ABCC1: variants seen among roughly 807,000 people sequenced by gnomAD.
The protein encoded by ABCC1 is ATP binding cassette subfamily C member 1 (ABCC1 blood group).
ABCC1 carries 83 observed loss-of-function variants against 172.9 expected under a neutral mutation model. The observed-to-expected ratio is 0.48, with a 90% CI of 0.40 to 0.58. The LOEUF (loss-of-function observed/expected upper bound fraction) is 0.58. Among genes scored for constraint, ABCC1 ranks in the 20% least tolerant of loss-of-function variants. The probability of loss-of-function intolerance (pLI) is 0.00; values close to 1 mark genes in which losing one functional copy is unlikely to be tolerated. For synonymous variants in ABCC1, 937 were observed against 825.2 expected (o/e 1.14, Z -2.32); for missense variants, 1,817 against 2,002.7 (o/e 0.91, Z 1.77).
At chr16:16,055,480 G>A (rs765874592) in intron 11 of ABCC1, among the ~76,000 whole-genome samples, 32 of 151,564 alleles carry the variant, frequency 2.1e-4, no homozygotes, top group Non-Finnish European at 4.1e-4. Flanking sequence ...AACCCGGGAG[G>A]CAGAGGTTGC....
intron 1 of ABCC1, among the ~76,000 whole-genome samples, chr16:15,981,618 C>T (rs999526975): frequency 1.3e-5 from 2 of 152,116 alleles, no homozygotes; most frequent in Non-Finnish European, 2.9e-5. Flanking sequence ...AGCAGGGGGG[C>T]CCTGGGCCCG....
At chr16:16,044,112 T>C (rs1482113221) in intron 7 of ABCC1, among the ~76,000 whole-genome samples, 1 of 152,226 alleles carries the variant, frequency 6.6e-6, no homozygotes, top group Non-Finnish European at 1.5e-5. Context: ...TTTCTAAGTC[T>C]TTAACTTATT....
chr16:15,952,117 T>C (rs1294975181), intron 1 of ABCC1, among the ~76,000 whole-genome samples: 1 of 152,210 alleles, frequency 6.6e-6, no homozygotes, highest in Non-Finnish European at 1.5e-5. Context: ...ATCTCTAAAA[T>C]TGGACAGGAG....
chr16:16,131,656 G>T, intron 26 of ABCC1, 133 bp from the exon 27 acceptor site: 1 of 948,582 alleles, frequency 1.1e-6, no homozygotes, highest in Non-Finnish European at 1.5e-6. Context: ...ATTCCAGGAA[G>T]GGCAACCCCC....
intron 1 of ABCC1, among the ~76,000 whole-genome samples, chr16:15,959,170 C>T (rs530773746): frequency 2.6e-5 from 4 of 152,216 alleles, no homozygotes; most frequent in South Asian, 2.1e-4. Flanking sequence ...CTTAATGAGA[C>T]GTTAAGGAGG....
intron 1 of ABCC1, among the ~76,000 whole-genome samples, chr16:15,953,705 G>A (rs186706178): frequency 5.1e-4 from 78 of 152,260 alleles, no homozygotes; most frequent in African/African-American, 1.7e-3. Context: ...TGTCACCGTC[G>A]ATGGAGTGAG....
In ABCC1 at chr16:16,111,135, T is replaced by TTGA. The variant is rs1461298954; in HGVS notation, c.2872-238_2872-236dup. On this transcript the variant is annotated intron_variant, in intron 21 of 30. Coordinates refer to ENST00000399410, the MANE Select transcript of ABCC1 (RefSeq NM_004996.4). ...GCTGGTCTCGAAGTCTCTACCTCAG[T>TTGA]TGATCTGCCCGCCTCAGCCTCCCAA... 5.3e-5 allele frequency among the ~76,000 whole-genome samples: 8 copies of TTGA among 152,264 alleles called. No homozygotes were observed. The East Asian group carries it at 1.5e-3, about 29-fold the overall frequency.
chr16:16,036,657 C>T, intron 7 of ABCC1, 54 bp downstream of exon 7: 5 of 1,588,518 alleles, frequency 3.1e-6, no homozygotes, highest in Non-Finnish European at 3.4e-6. Context: ...CCTTTCCACT[C>T]CTGTGGCCTC....
chr16:16,134,968 G>A (rs2045863437), intron 28 of ABCC1, among the ~76,000 whole-genome samples: 1 of 152,110 alleles, frequency 6.6e-6, no homozygotes, highest in Non-Finnish European at 1.5e-5. Context: ...AAGTTAGGCT[G>A]TGCTGCTGCT....
At chr16:16,075,508 G>C (rs1567375997) in intron 14 of ABCC1, among the ~76,000 whole-genome samples, 1 of 152,158 alleles carries the variant, frequency 6.6e-6, no homozygotes, top group Admixed American at 6.5e-5. Flanking sequence ...TGCACATCCT[G>C]TAGTCCCAGT....
intron 25 of ABCC1, 106 bp from the exon 26 acceptor site, chr16:16,125,704 T>C: frequency 1.3e-6 from 1 of 750,458 alleles, no homozygotes; most frequent in South Asian, 1.9e-5. Context: ...TAATTCATAC[T>C]TGTTGAAAAT....
chr16:16,079,445 G>A lies in ABCC1; in HGVS notation c.2082G>A (p.Glu694=). 6.2e-7 allele frequency: 1 copy of A among 1,613,876 alleles called. No individual in the cohort carries two copies. Among genetic ancestry groups the A allele is most frequent in the Non-Finnish European group, 8.5e-7 (1 of 1,179,780 alleles). ...KSSLLSALLA[E]MDKVEGHVAI... ...CCCTGCTCTCAGCCCTCTTGGCTGA[G>A]ATGGACAAAGTGGAGGGGCACGTGG... is the stretch of plus-strand genomic sequence containing the variant. Residue 694 remains glutamate, a synonymous_variant, in exon 16 of 31, where the codon GAG becomes GAA. Transcript: ENST00000399410.
chr16:16,005,185 T>C (rs1046922445), intron 1 of ABCC1, among the ~76,000 whole-genome samples: 1 of 151,692 alleles, frequency 6.6e-6, no homozygotes, highest in Non-Finnish European at 1.5e-5. Flanking sequence ...TCAGAGCTAT[T>C]TGGAGGGTGC....
chr16:15,976,180 T>C (rs955705145), intron 1 of ABCC1, among the ~76,000 whole-genome samples: 2 of 152,058 alleles, frequency 1.3e-5, no homozygotes, highest in Non-Finnish European at 2.9e-5. Flanking sequence ...GGCAGGAGAA[T>C]TGCTTGAACC....
chr16:15,964,360 G>A (rs968333170), intron 1 of ABCC1, among the ~76,000 whole-genome samples: 1 of 152,180 alleles, frequency 6.6e-6, no homozygotes, highest in Admixed American at 6.5e-5. Flanking sequence ...CTCTAGGGCA[G>A]GGTCAAAATG....
At chr16:15,981,210 G>A (rs1232291477) in intron 1 of ABCC1, among the ~76,000 whole-genome samples, 2 of 152,216 alleles carry the variant, frequency 1.3e-5, no homozygotes, top group Admixed American at 6.5e-5. Context: ...CCAGGTGCAC[G>A]GTGCAAGCTG....
At chr16:16,087,130 C>G in intron 18 of ABCC1, 139 bp downstream of exon 18, 1 of 1,061,712 alleles carries the variant, frequency 9.4e-7, no homozygotes, top group Admixed American at 2.7e-5. Flanking sequence ...ATTTCTCATG[C>G]TTGTCTTGGA....
chr16:16,090,654 C>T (rs1220465162), intron 19 of ABCC1, 66 bp downstream of exon 19: 4 of 1,454,954 alleles, frequency 2.7e-6, no homozygotes, highest in East Asian at 2.5e-5. Context: ...ACATTGGCCT[C>T]TTTGAGGTTG....
chr16:16,097,433 G>C (rs2051531445), intron 19 of ABCC1, among the ~76,000 whole-genome samples: 1 of 152,098 alleles, frequency 6.6e-6, no homozygotes, highest in Non-Finnish European at 1.5e-5. Context: ...CTTTTTGGTT[G>C]TCTCTCCATC....
Sources: gnomAD v4.1 joint callset for allele counts (sites outside exome capture counted in the v4.1 genomes callset) on GRCh38, gnomAD v4.1.1 for gene constraint, MANE v1.5 for transcripts, NCBI Gene and HGNC (gene_info 2026-07-23, HGNC 2026-07-21) for gene names.